The following TRMT11 variants were observed in gnomAD, a reference collection of about 807,000 sequenced individuals.
TRMT11 encodes the protein tRNA methyltransferase 11, also known as tRNA (guanine(10)-N(2))-methyltransferase TRMT11.
Under a neutral mutation model 62.8 loss-of-function variants are expected in TRMT11, and 53 were observed. The observed-to-expected ratio is 0.84, with a 90% CI of 0.68 to 1.06. The LOEUF is 1.06. TRMT11 is among the 50% of genes least tolerant of loss of function. The pLI is 0.00. For synonymous variants in TRMT11, 188 were observed against 190.3 expected (o/e 0.99, Z 0.10); for missense variants, 556 against 553.4 (o/e 1.00, Z -0.05).
chr6:126,262,296 C>T, the TRMT11 span, among the ~76,000 whole-genome samples: 1 of 152,172 alleles, frequency 6.6e-6, no homozygotes, highest in Non-Finnish European at 1.5e-5. Context: ...AGGTGTACAA[C>T]ATGAGTTCAT....
upstream of TRMT11, among the ~76,000 whole-genome samples, chr6:126,175,510 A>G (rs901540699): frequency 2.6e-5 from 4 of 152,216 alleles, no homozygotes; most frequent in Non-Finnish European, 5.9e-5. Context: ...TATCTGATTT[A>G]GCTGATTGCT....
intron 21 of TRMT11, among the ~76,000 whole-genome samples, chr6:126,160,261 C>T (rs918655592): frequency 6.6e-6 from 1 of 152,122 alleles, no homozygotes; most frequent in Non-Finnish European, 1.5e-5. Context: ...ATTATATGCT[C>T]TTAGGGAGAC....
intron 21 of TRMT11, among the ~76,000 whole-genome samples, chr6:126,145,906 A>G (rs1201976148): frequency 6.6e-6 from 1 of 152,228 alleles, no homozygotes; most frequent in East Asian, 1.9e-4. Flanking sequence ...GATATTTTAA[A>G]AATAAATCTC....
At chr6:126,262,181 A>G in the TRMT11 span, among the ~76,000 whole-genome samples, 1 of 152,082 alleles carries the variant, frequency 6.6e-6, no homozygotes, top group Non-Finnish European at 1.5e-5. Context: ...ATTCAGTGTG[A>G]GTGTAGTGGA....
intron 21 of TRMT11, among the ~76,000 whole-genome samples, chr6:126,125,414 T>A (rs1348100191): frequency 1.3e-5 from 2 of 152,122 alleles, no homozygotes; most frequent in Admixed American, 6.6e-5. Context: ...AGGTGTGATT[T>A]ACTTCAGGGT....
intron 16 of TRMT11, among the ~76,000 whole-genome samples, chr6:126,052,992 G>C (rs895134274): frequency 6.6e-6 from 1 of 152,202 alleles, no homozygotes; most frequent in Non-Finnish European, 1.5e-5. Context: ...ACCCATTTCT[G>C]CTAGGGGTAA....
At chr6:126,028,772 A>G (rs575969375) in intron 12 of TRMT11, among the ~76,000 whole-genome samples, 1 of 152,304 alleles carries the variant, frequency 6.6e-6, no homozygotes, top group Non-Finnish European at 1.5e-5. Context: ...CTTCCCCACT[A>G]GCTCCAGGAA....
intron 17 of TRMT11, among the ~76,000 whole-genome samples, chr6:126,069,335 AC>A (rs1776780562): frequency 6.6e-6 from 1 of 152,228 alleles, no homozygotes; most frequent in African/African-American, 2.4e-5. Flanking sequence ...TGTGAACACC[AC>A]CAGAACAAAT....
intron 21 of TRMT11, among the ~76,000 whole-genome samples, chr6:126,136,856 CA>C (rs1465230389): frequency 6.6e-6 from 1 of 150,712 alleles, no homozygotes; most frequent in Non-Finnish European, 1.5e-5. Flanking sequence ...TCATATTTGA[CA>C]AAGGCACCAA....
intron 7 of TRMT11, among the ~76,000 whole-genome samples, chr6:126,003,785 C>T (rs1792914360): frequency 6.6e-6 from 1 of 151,950 alleles, no homozygotes; most frequent in Non-Finnish European, 1.5e-5. Context: ...TCCTCACACT[C>T]CCCTTATTTT....
chr6:126,028,951 A>G (rs996378904), intron 12 of TRMT11, among the ~76,000 whole-genome samples: 2 of 152,196 alleles, frequency 1.3e-5, no homozygotes, highest in Non-Finnish European at 2.9e-5. Flanking sequence ...TACTAGTGTT[A>G]TAAGAATCTT....
At chr6:126,023,807 G>T (rs1462682465) in intron 12 of TRMT11, among the ~76,000 whole-genome samples, 1 of 152,184 alleles carries the variant, frequency 6.6e-6, no homozygotes, top group Non-Finnish European at 1.5e-5. Flanking sequence ...AGAGTCTCTT[G>T]TGGTGTTCTC....
chr6:126,186,181 A>G (rs568754273), intron 1 of TRMT11, among the ~76,000 whole-genome samples: 2 of 152,348 alleles, frequency 1.3e-5, no homozygotes, highest in South Asian at 4.1e-4. Flanking sequence ...ACCAAATAAC[A>G]TAATATAGGC....
intron 17 of TRMT11, among the ~76,000 whole-genome samples, chr6:126,099,804 T>G (rs1562322736): frequency 6.6e-6 from 1 of 152,230 alleles, no homozygotes; most frequent in Non-Finnish European, 1.5e-5. Context: ...ATTTTTATTT[T>G]TTAAATCCCA....
intron 17 of TRMT11, among the ~76,000 whole-genome samples, chr6:126,078,260 A>G (rs1326434919): frequency 6.6e-6 from 1 of 152,226 alleles, no homozygotes; most frequent in Non-Finnish European, 1.5e-5. Flanking sequence ...AAGATAGCCC[A>G]GCAGCCATAT....
At chr6:126,172,398 C>T (rs531102039), upstream of TRMT11, among the ~76,000 whole-genome samples, 2 of 152,292 alleles carry the variant, frequency 1.3e-5, no homozygotes, top group South Asian at 4.1e-4. Flanking sequence ...CATCATGTGG[C>T]AGAACCCCCA....
downstream of TRMT11, among the ~76,000 whole-genome samples, chr6:126,204,966 C>G (rs1778775434): frequency 6.6e-6 from 1 of 152,124 alleles, no homozygotes; most frequent in South Asian, 2.1e-4. Context: ...TTTTATGCAG[C>G]CTGTACAATA....
chr6:126,071,821 A>T lies in TRMT11; in HGVS notation c.*1437+18631A>T, dbSNP rs146792628. On this transcript the variant is annotated intron_variant and NMD_transcript_variant, in intron 17 of 22. Transcript: ENST00000648977. ...GCTAAAATCTCCTCCATGTCATGGT[A>T]TATCAATGATACTCAAACTTTAACA... Among the ~76,000 whole-genome samples, 21 of 152,320 alleles carry T rather than the reference A, an allele frequency of 1.4e-4. No homozygotes were observed. In the East Asian group the frequency reaches 4.1e-3, roughly 29 times the overall value.
At chr6:126,224,364 T>A in the TRMT11 span, among the ~76,000 whole-genome samples, 1 of 152,216 alleles carries the variant, frequency 6.6e-6, no homozygotes, top group Non-Finnish European at 1.5e-5. Context: ...GACTGTGGTA[T>A]AAGTTGGGTT....
Sources: allele counts gnomAD v4.1 joint callset (sites outside exome capture counted in the v4.1 genomes callset), GRCh38; gene constraint gnomAD v4.1.1; transcripts MANE v1.5; gene names NCBI Gene and HGNC (gene_info 2026-07-23, HGNC 2026-07-21).